STX18: variants seen among roughly 807,000 people sequenced by gnomAD.
STX18 encodes the protein syntaxin 18, also known as syntaxin-18.
In STX18, 40 loss-of-function variants were observed where a neutral mutation model predicts 50.1. That is an observed-to-expected ratio of 0.80 (90% CI 0.62 to 1.04). The LOEUF (loss-of-function observed/expected upper bound fraction) is 1.04. Among genes scored for constraint, STX18 ranks in the 50% least tolerant of loss-of-function variants. STX18 has a pLI of 0.00. For missense variants in STX18, 410 were observed against 415.8 expected (o/e 0.99, Z 0.12); for synonymous variants, 158 against 151.8 (o/e 1.04, Z -0.30).
At chr4:4,519,858 T>A (rs764049765) in intron 1 of STX18, among the ~76,000 whole-genome samples, 1 of 152,142 alleles carries the variant, frequency 6.6e-6, no homozygotes, top group Non-Finnish European at 1.5e-5. Context: ...CTAATACAAT[T>A]CCCTGTAGCT....
intron 5 of STX18, among the ~76,000 whole-genome samples, chr4:4,446,303 GT>G (rs1377669719): frequency 1.3e-5 from 2 of 151,862 alleles, no homozygotes; most frequent in African/African-American, 4.8e-5. Flanking sequence ...GGTAGACAAA[GT>G]AAAAATTAAT....
intron 1 of STX18, among the ~76,000 whole-genome samples, chr4:4,485,400 T>G (rs1447345537): frequency 6.6e-6 from 1 of 152,196 alleles, no homozygotes; most frequent in Non-Finnish European, 1.5e-5. Context: ...ATGACAATTT[T>G]AAAAGGCCAC....
At chr4:4,462,709 A>G (rs1242575491) in intron 2 of STX18, among the ~76,000 whole-genome samples, 7 of 151,696 alleles carry the variant, frequency 4.6e-5, no homozygotes, top group African/African-American at 1.5e-4. Context: ...AAAAAAAAAG[A>G]CTGAGTTTCT....
chr4:4,518,992 T>A (rs1013608980), intron 1 of STX18, among the ~76,000 whole-genome samples: 14 of 152,196 alleles, frequency 9.2e-5, no homozygotes, highest in African/African-American at 3.4e-4. Context: ...AAGAGAATTG[T>A]AGTAAATGGC....
chr4:4,501,453 C>T (rs1729457518), intron 1 of STX18, among the ~76,000 whole-genome samples: 1 of 152,110 alleles, frequency 6.6e-6, no homozygotes, highest in African/African-American at 2.4e-5. Context: ...GCAATTAAAC[C>T]CAATTCTTTC....
At chr4:4,474,746 C>G (rs1204360051) in intron 1 of STX18, among the ~76,000 whole-genome samples, 1 of 152,168 alleles carries the variant, frequency 6.6e-6, no homozygotes. Context: ...AGAATGTGGG[C>G]AGCCTCTAGA....
intron 1 of STX18, among the ~76,000 whole-genome samples, chr4:4,524,131 A>G (rs936964592): frequency 2.0e-5 from 3 of 152,192 alleles, no homozygotes; most frequent in South Asian, 2.1e-4. Flanking sequence ...TATGCCTGGC[A>G]TATAGTTGGT....
intron 1 of STX18, among the ~76,000 whole-genome samples, chr4:4,504,689 A>AG: frequency 6.6e-6 from 1 of 152,216 alleles, no homozygotes; most frequent in Non-Finnish European, 1.5e-5. Context: ...AAAGAAGGCA[A>AG]GGGGGGCACA....
intron 1 of STX18, among the ~76,000 whole-genome samples, chr4:4,503,173 T>C (rs543912810): frequency 2.0e-5 from 3 of 152,296 alleles, no homozygotes; most frequent in Admixed American, 6.5e-5. Flanking sequence ...GGGGTGGCAG[T>C]GCCCTAACAA....
At chr4:4,512,353 G>A (rs1336398706) in intron 1 of STX18, among the ~76,000 whole-genome samples, 5 of 152,016 alleles carry the variant, frequency 3.3e-5, no homozygotes, top group African/African-American at 1.2e-4. Flanking sequence ...AAAAATCTTA[G>A]GAAAGGATTC....
At chr4:4,542,113 C>T (rs575207905), upstream of STX18, 22 of 1,054,184 alleles carry the variant, frequency 2.1e-5, no homozygotes, top group South Asian at 4.0e-4. Context: ...GGCCTGCGCC[C>T]TGCTACCGCG....
At chr4:4,461,992 G>A (rs969505812) in intron 2 of STX18, 9 of 456,114 alleles carry the variant, frequency 2.0e-5, no homozygotes, top group East Asian at 6.9e-5. Flanking sequence ...CAGGGGCTGC[G>A]GCTGCGCAGT....
At chr4:4,507,889 T>C (rs1729802076) in intron 1 of STX18, 1 of 540,220 alleles carries the variant, frequency 1.9e-6, no homozygotes. Context: ...TAGTCCCTTA[T>C]GTTCTAGCCT....
intron 2 of STX18, among the ~76,000 whole-genome samples, chr4:4,470,852 T>C (rs954747268): frequency 6.6e-5 from 10 of 151,618 alleles, no homozygotes; most frequent in Admixed American, 6.6e-4. Flanking sequence ...AGATCAGGAG[T>C]GGGGAGACCG....
At chr4:4,435,094 C>G (rs59100746) in intron 6 of STX18, among the ~76,000 whole-genome samples, 1 of 152,000 alleles carries the variant, frequency 6.6e-6, no homozygotes, top group African/African-American at 2.4e-5. Flanking sequence ...GGAGGGGGAC[C>G]TATGCACGGT....
rs543604275 is a variant in STX18, at chr4:4,526,168, G to A, written c.168+15629C>T. Among the ~76,000 whole-genome samples, 163 of 152,276 alleles carry A rather than the reference G, an allele frequency of 1.1e-3. 1 individual carries two copies. The highest frequency in any genetic ancestry group is 3.9e-3 in the African/African-American group (160 of 41,552). ...AGTAATGATGAAAGCAACATCTTCC[G>A]TGCAGTGGCTTAGCTTGGAGAGGGA... On this transcript the variant is annotated intron_variant, in intron 1 of 10. Coordinates refer to ENST00000306200, the MANE Select transcript of STX18 (RefSeq NM_016930.4).
intron 9 of STX18, among the ~76,000 whole-genome samples, chr4:4,421,397 T>C (rs890402390): frequency 2.6e-5 from 4 of 152,182 alleles, no homozygotes; most frequent in East Asian, 1.9e-4. Context: ...AGTATAGGCA[T>C]GTGCCACCAC....
chr4:4,429,648 CTA>C (rs1365788908), intron 7 of STX18, among the ~76,000 whole-genome samples: 2 of 152,244 alleles, frequency 1.3e-5, no homozygotes, highest in Admixed American at 1.3e-4. Flanking sequence ...CCTCGATCCC[CTA>C]TGATCCCCAT....
chr4:4,457,284 G>T (rs749364308), intron 4 of STX18, 27 bp from the exon 5 acceptor site: 4 of 1,610,054 alleles, frequency 2.5e-6, no homozygotes, highest in Non-Finnish European at 3.4e-6. Flanking sequence ...TACCAGAAGA[G>T]AGACTGCTTA....
Sources: allele counts gnomAD v4.1 joint callset (sites outside exome capture counted in the v4.1 genomes callset), GRCh38; gene constraint gnomAD v4.1.1; transcripts MANE v1.5; gene names NCBI Gene and HGNC (gene_info 2026-07-23, HGNC 2026-07-21).